RNF220: variants seen among roughly 807,000 people sequenced by gnomAD.
RNF220 encodes the protein ring finger protein 220.
Under a neutral mutation model 67.1 loss-of-function variants are expected in RNF220, and 7 were observed. That is an observed-to-expected ratio of 0.10 (90% CI 0.06 to 0.20). RNF220 has a LOEUF of 0.20. Ranked by LOEUF, RNF220 falls within the 10% of genes least tolerant of loss-of-function variation. The probability of loss-of-function intolerance (pLI) is 1.00; values close to 1 mark genes in which losing one functional copy is unlikely to be tolerated. For synonymous variants in RNF220, 270 were observed against 283.2 expected (o/e 0.95, Z 0.47); for missense variants, 565 against 740.3 (o/e 0.76, Z 2.75).
chr1:44,447,009 T>A (rs1455687347), intron 2 of RNF220, among the ~76,000 whole-genome samples: 1 of 152,246 alleles, frequency 6.6e-6, no homozygotes, highest in African/African-American at 2.4e-5. Context: ...GAAGATGTAT[T>A]GTAATGGAAA....
intron 2 of RNF220, among the ~76,000 whole-genome samples, chr1:44,487,711 C>T (rs945941779): frequency 7.5e-6 from 1 of 134,222 alleles, no homozygotes; most frequent in Non-Finnish European, 1.6e-5. Flanking sequence ...ATAATAATAA[C>T]AATAATAATA....
intron 2 of RNF220, among the ~76,000 whole-genome samples, chr1:44,547,597 C>T (rs1298486832): frequency 3.3e-5 from 5 of 152,056 alleles, no homozygotes; most frequent in African/African-American, 4.8e-5. Context: ...CCTCTTCTCT[C>T]GGTGCACACT....
chr1:44,611,375 C>T (rs931061676), intron 2 of RNF220, among the ~76,000 whole-genome samples: 2 of 152,206 alleles, frequency 1.3e-5, no homozygotes, highest in Non-Finnish European at 2.9e-5. Context: ...GGTCCCCATG[C>T]TTGGAGTGAG....
intron 1 of RNF220, among the ~76,000 whole-genome samples, chr1:44,409,871 G>T (rs1190207696): frequency 6.6e-6 from 1 of 151,238 alleles, no homozygotes; most frequent in Non-Finnish European, 1.5e-5. Context: ...GTGAGGAGAG[G>T]GTAAGAAAGA....
At chr1:44,554,081 T>C (rs1362314802) in intron 2 of RNF220, among the ~76,000 whole-genome samples, 1 of 152,124 alleles carries the variant, frequency 6.6e-6, no homozygotes, top group African/African-American at 2.4e-5. Flanking sequence ...GCTTGGTTGT[T>C]GGGGCAGAAG....
chr1:44,463,986 G>T (rs1401006075), intron 2 of RNF220, among the ~76,000 whole-genome samples: 2 of 152,206 alleles, frequency 1.3e-5, no homozygotes, highest in Non-Finnish European at 2.9e-5. Context: ...CTTTGGAGGG[G>T]TGCCTCCTAA....
chr1:44,428,133 A>T lies in RNF220; in HGVS notation c.625+15411A>T, dbSNP rs75355192. ...GCACCCACCCAATGACCACCTTTTT[A>T]AAATACCCGAAAAGGCACAGAGTGG... On this transcript the variant is annotated intron_variant, in intron 2 of 14. Transcript: ENST00000361799. Among the ~76,000 whole-genome samples the T allele has an allele frequency of 8.6e-3, 1,316 of 152,286 alleles. 3 individuals carry two copies. The highest frequency in any genetic ancestry group is 0.014 in the Non-Finnish European group (978 of 68,006).
chr1:44,583,929 G>C (rs531719738), intron 2 of RNF220, among the ~76,000 whole-genome samples: 1 of 152,342 alleles, frequency 6.6e-6, no homozygotes, highest in South Asian at 2.1e-4. Flanking sequence ...AAGACAGAAT[G>C]AAATGATAAT....
intron 2 of RNF220, among the ~76,000 whole-genome samples, chr1:44,509,549 CAAAA>C (rs11322224): frequency 3.2e-5 from 4 of 124,858 alleles, no homozygotes; most frequent in Admixed American, 8.0e-5. Context: ...GACTCTGTCT[CAAAA>C]AAAAAAAAAA....
At chr1:44,455,452 A>G (rs1653082251) in intron 2 of RNF220, among the ~76,000 whole-genome samples, 1 of 152,336 alleles carries the variant, frequency 6.6e-6, no homozygotes, top group South Asian at 2.1e-4. Context: ...GAGACTTTCT[A>G]ATAGTCTTGT....
At chr1:44,568,306 C>T (rs953903163) in intron 2 of RNF220, among the ~76,000 whole-genome samples, 4 of 152,218 alleles carry the variant, frequency 2.6e-5, no homozygotes, top group Admixed American at 2.0e-4. Context: ...GCCACACTGG[C>T]CGTGTGGCAG....
At chr1:44,627,690 C>A (rs986013959) in intron 5 of RNF220, among the ~76,000 whole-genome samples, 1 of 152,192 alleles carries the variant, frequency 6.6e-6, no homozygotes, top group Non-Finnish European at 1.5e-5. Flanking sequence ...CAAATGGCAA[C>A]AGGGCTTCGC....
At chr1:44,454,013 C>G (rs903089910) in intron 2 of RNF220, among the ~76,000 whole-genome samples, 14 of 152,194 alleles carry the variant, frequency 9.2e-5, no homozygotes, top group African/African-American at 3.4e-4. Flanking sequence ...GAAAACTCCA[C>G]TTTACACTTG....
intron 2 of RNF220, among the ~76,000 whole-genome samples, chr1:44,493,493 G>A (rs1657046908): frequency 6.6e-6 from 1 of 152,074 alleles, no homozygotes; most frequent in Non-Finnish European, 1.5e-5. Flanking sequence ...TAGCCTGGGT[G>A]ACAAGAGCAA....
At position 44,457,345 on chromosome 1, in the gene RNF220, A is replaced by G. The variant is rs564655690; in HGVS notation, c.625+44623A>G. ...ATTCTTCACTCAATAGGTGCCCAGA[A>G]CTATTTGTTGAATGAATGAAAAAAT... On this transcript the variant is annotated intron_variant, in intron 2 of 14. Coordinates refer to ENST00000361799, the MANE Select transcript of RNF220 (RefSeq NM_018150.4). 2.0e-5 allele frequency among the ~76,000 whole-genome samples: 3 copies of G among 152,340 alleles called. No homozygotes were observed. The East Asian group carries it at 5.8e-4, about 29-fold the overall frequency.
chr1:44,586,964 AG>A (rs1665743124), intron 2 of RNF220, among the ~76,000 whole-genome samples: 1 of 152,142 alleles, frequency 6.6e-6, no homozygotes. Flanking sequence ...GATAATTAAA[AG>A]TTTATATATG....
chr1:44,490,676 T>G (rs2148051573), intron 2 of RNF220, among the ~76,000 whole-genome samples: 1 of 150,862 alleles, frequency 6.6e-6, no homozygotes, highest in East Asian at 2.0e-4. Context: ...ACCTTCCAAT[T>G]TAAAAACTGA....
At chr1:44,528,325 G>T (rs1447212681) in intron 2 of RNF220, among the ~76,000 whole-genome samples, 2 of 151,004 alleles carry the variant, frequency 1.3e-5, no homozygotes, top group Non-Finnish European at 2.9e-5. Flanking sequence ...TTTTGAGACG[G>T]AGTCTCACTC....
chr1:44,511,912 T>TGTGC (rs1553234637), intron 2 of RNF220, among the ~76,000 whole-genome samples: 1 of 127,032 alleles, frequency 7.9e-6, no homozygotes, highest in Non-Finnish European at 1.7e-5. Context: ...GAAGCGTGTG[T>TGTGC]GTGCGTGTGT....
Sources: allele counts gnomAD v4.1 joint callset (sites outside exome capture counted in the v4.1 genomes callset), GRCh38; gene constraint gnomAD v4.1.1; transcripts MANE v1.5; gene names NCBI Gene and HGNC (gene_info 2026-07-23, HGNC 2026-07-21).